The following RNF19B variants were observed in gnomAD, a reference collection of about 807,000 sequenced individuals.
The protein encoded by RNF19B is E3 ubiquitin-protein ligase RNF19B.
A neutral mutation model predicts 65.5 loss-of-function variants in RNF19B; 23 were observed. The ratio of observed to expected loss-of-function variants is 0.35; its 90% CI spans 0.25 to 0.50. The LOEUF (loss-of-function observed/expected upper bound fraction) is 0.50. Among genes scored for constraint, RNF19B ranks in the 20% least tolerant of loss-of-function variants. RNF19B has a pLI of 0.98. For synonymous variants in RNF19B, 372 were observed against 379.6 expected, an observed-to-expected ratio of 0.98 and a Z score of 0.23; for missense variants, 794 against 980.0, an observed-to-expected ratio of 0.81 and a Z score of 2.53.
downstream of RNF19B, among the ~76,000 whole-genome samples, chr1:32,933,015 T>C (rs1183314158): frequency 6.6e-6 from 1 of 152,224 alleles, no homozygotes; most frequent in Admixed American, 6.5e-5. Flanking sequence ...AACCTGGTCA[T>C]GTCAAGTAGC....
rs770083621 is a variant in RNF19B, at chr1:32,945,499, T to A, written c.1261+15A>T. 5.3e-6 allele frequency: 8 copies of A among 1,521,016 alleles called. No individual in the cohort carries two copies. Among genetic ancestry groups the A allele is most frequent in the African/African-American group, 1.4e-5 (1 of 73,220 alleles). 94.2% of individuals were successfully genotyped at this position (1,521,016 alleles called of 1,614,324 possible). On this transcript the variant is annotated intron_variant, in intron 5 of 8. Transcript: ENST00000235150. The stretch of plus-strand genomic sequence containing the variant: ...GAAAGCTGAGAGAGAAGAGGTGTGG[T>A]CCTGACTAGCTTACCAACACTAACT...
chr1:32,929,131 G>C, the RNF19B span, among the ~76,000 whole-genome samples: 1 of 152,138 alleles, frequency 6.6e-6, no homozygotes, highest in African/African-American at 2.4e-5. Context: ...TGTGGGGGAG[G>C]ATCTGTTCCT....
At chr1:32,949,850 A>G in intron 1 of RNF19B, 76 bp from the exon 2 acceptor site, 1 of 1,196,852 alleles carries the variant, frequency 8.4e-7, no homozygotes, top group Non-Finnish European at 1.2e-6. Context: ...CATCAGAGTT[A>G]ACAATGTTTG....
intron 8 of RNF19B, 173 bp downstream of exon 8, chr1:32,938,224 T>A: frequency 2.4e-6 from 1 of 408,342 alleles, no homozygotes; most frequent in Non-Finnish European, 4.4e-6. Context: ...ACAAGAAGAA[T>A]CAAGAGATGC....
At chr1:32,947,122 G>C (rs1292346658) in intron 3 of RNF19B, among the ~76,000 whole-genome samples, 1 of 152,078 alleles carries the variant, frequency 6.6e-6, no homozygotes, top group African/African-American at 2.4e-5. Context: ...CATTCTCTTT[G>C]TGCTATCTTC....
intron 1 of RNF19B, among the ~76,000 whole-genome samples, 166 bp from the exon 2 acceptor site, chr1:32,949,940 C>G (rs1483846888): frequency 6.6e-6 from 1 of 151,880 alleles, no homozygotes; most frequent in African/African-American, 2.4e-5. Context: ...ATTTGACCAA[C>G]TGTAAAATAT....
chr1:32,945,799 A>G (rs1038421076), intron 4 of RNF19B, among the ~76,000 whole-genome samples, 171 bp from the exon 5 acceptor site: 5 of 152,218 alleles, frequency 3.3e-5, no homozygotes, highest in African/African-American at 1.2e-4. Context: ...TGGAAGATAT[A>G]AAGTAATACA....
intron 1 of RNF19B, among the ~76,000 whole-genome samples, chr1:32,963,804 T>G (rs939745704): frequency 6.6e-6 from 1 of 151,576 alleles, no homozygotes; most frequent in Admixed American, 6.6e-5. Flanking sequence ...CCTCTCCCTG[T>G]CTCCTAACTT....
intron 2 of RNF19B, 109 bp downstream of exon 2, chr1:32,949,460 T>C: frequency 1.2e-6 from 1 of 840,492 alleles, no homozygotes. Flanking sequence ...TTTTCTGCTC[T>C]CTGATCCTTT....
chr1:32,948,421 A>G (rs1459929176), intron 2 of RNF19B, 58 bp from the exon 3 acceptor site: 1 of 1,572,746 alleles, frequency 6.4e-7, no homozygotes, highest in African/African-American at 1.3e-5. Context: ...ATCCAGTTTG[A>G]TTTAATTGTT....
At position 32,945,496 on chromosome 1, in the gene RNF19B, T is replaced by TG. The variant is rs770385076; in HGVS notation, c.1261+17dup. 1.4e-6 allele frequency: 2 copies of TG among 1,479,274 alleles called. No homozygotes were observed. Among genetic ancestry groups the TG allele is most frequent in the Non-Finnish European group, 1.9e-6 (2 of 1,057,486 alleles). 91.6% of individuals were successfully genotyped at this position (1,479,274 alleles called of 1,614,324 possible). On this transcript the variant is annotated intron_variant, in intron 5 of 8. Coordinates refer to ENST00000235150, the MANE Select transcript of RNF19B (RefSeq NM_001300826.2). ...TCAGAAAGCTGAGAGAGAAGAGGTG[T>TG]GGTCCTGACTAGCTTACCAACACTA...
At chr1:32,952,468 C>T (rs1348417305) in intron 1 of RNF19B, among the ~76,000 whole-genome samples, 12 of 136,300 alleles carry the variant, frequency 8.8e-5, no homozygotes, top group Non-Finnish European at 1.2e-4. Context: ...AACAGCCTGG[C>T]GTGGTGGCTC....
At chr1:32,937,797 G>C (rs947002556) in intron 8 of RNF19B, among the ~76,000 whole-genome samples, 1 of 152,116 alleles carries the variant, frequency 6.6e-6, no homozygotes, top group African/African-American at 2.4e-5. Flanking sequence ...CGTGTGCTCA[G>C]ATGCACACAC....
rs375952837 is a variant in RNF19B at position 32,938,545 on chromosome 1, C to A, written c.1611-17G>T. 1.2e-6 allele frequency: 2 copies of A among 1,611,770 alleles called. No individual in the cohort carries two copies. The highest frequency in any genetic ancestry group is 1.1e-5 in the South Asian group (1 of 90,932). ...ACTTCTAACCTGTGTAAAGAGGGGA[C>A]GTTCAAGTTAATATGAGACCTGGGT... On this transcript the variant is annotated splice_polypyrimidine_tract_variant and intron_variant, in intron 7 of 8. Transcript: ENST00000235150.
At chr1:32,947,606 TCG>T (rs1009051722) in intron 3 of RNF19B, among the ~76,000 whole-genome samples, 7 of 147,944 alleles carry the variant, frequency 4.7e-5, no homozygotes, top group African/African-American at 1.8e-4. Context: ...TTGCAGTGAG[TCG>T]AGATCGAGCC....
intron 1 of RNF19B, among the ~76,000 whole-genome samples, chr1:32,958,677 C>T (rs1642700009): frequency 6.6e-6 from 1 of 151,352 alleles, no homozygotes; most frequent in Non-Finnish European, 1.5e-5. Context: ...GATTGCACCA[C>T]TGCACTCCAG....
rs572347937 is a variant in RNF19B at position 32,960,596 on chromosome 1, A to G, written c.635+3455T>C. ...GGTTGTAGTAAGCCATGATCATGCCACTGCACTCCAGCCTGGGCACAGAGT... is the reference window on the plus strand; with the variant it reads ...GGTTGTAGTAAGCCATGATCATGCCGCTGCACTCCAGCCTGGGCACAGAGT... On this transcript the variant is annotated intron_variant, in intron 1 of 8. Coordinates refer to ENST00000235150, the MANE Select transcript of RNF19B (RefSeq NM_001300826.2). Among the ~76,000 whole-genome samples the G allele has an allele frequency of 1.1e-3, 163 of 152,286 alleles. 1 individual carries two copies. The highest frequency in any genetic ancestry group is 3.7e-3 in the African/African-American group (154 of 41,552).
In RNF19B at chr1:32,944,025, T is replaced by C. The variant is rs1443606595; in HGVS notation, c.1396A>G (p.Ile466Val). 11 of 1,606,948 alleles carry C rather than the reference T, an allele frequency of 6.8e-6. No homozygotes were observed. Among genetic ancestry groups the C allele is most frequent in the Middle Eastern group, 3.3e-4 (2 of 6,046 alleles). Residue 466 changes from isoleucine to valine, a missense_variant, in exon 6 of 9, where the codon ATC (isoleucine) becomes GTC (valine). Transcript: ENST00000235150. ...KIEFDEDDGPITVADAWRALK... is the reference protein window; with the variant it reads ...KIEFDEDDGPVTVADAWRALK... The stretch of plus-strand genomic sequence containing the variant: ...TAAACATCCTGCTTTTTACCTGTGA[T>C]TGGACCATCATCTTCATCAAATTCA...
the RNF19B span, among the ~76,000 whole-genome samples, chr1:32,931,285 G>GT: frequency 6.6e-6 from 1 of 152,072 alleles, no homozygotes. Context: ...CAATTCTTCT[G>GT]TAAGTCTCTC....
Sources: gnomAD v4.1 joint callset for allele counts (sites outside exome capture counted in the v4.1 genomes callset) on GRCh38, gnomAD v4.1.1 for gene constraint, MANE v1.5 for transcripts, NCBI Gene and HGNC (gene_info 2026-07-23, HGNC 2026-07-21) for gene names.